Variants in LRRIQ1 observed in about 807,000 individuals in gnomAD.
The protein encoded by LRRIQ1 is leucine rich repeats and IQ motif containing 1, also known as leucine-rich repeat- and IQ domain-containing protein 1.
LRRIQ1 carries 210 observed loss-of-function variants against 211.9 expected under a neutral mutation model. The ratio of observed to expected loss-of-function variants is 0.99; its 90% CI spans 0.89 to 1.11. The LOEUF is 1.11. LRRIQ1 is among the 50% of genes most tolerant of loss of function. The pLI, the probability that LRRIQ1 is intolerant of heterozygous loss-of-function variation, is 0.00. For synonymous variants in LRRIQ1, 699 were observed against 650.1 expected (o/e 1.08, Z -1.14); for missense variants, 2,136 against 1,939.5 (o/e 1.10, Z -1.90).
At chr12:85,145,815 A>G (rs1337143874) in intron 19 of LRRIQ1, among the ~76,000 whole-genome samples, 1 of 151,884 alleles carries the variant, frequency 6.6e-6, no homozygotes, top group Admixed American at 6.6e-5. Flanking sequence ...CTGCCTTCCC[A>G]TTCTGTTAGT....
At chr12:85,037,048 G>T (rs1285384161) in intron 1 of LRRIQ1, among the ~76,000 whole-genome samples, 2 of 152,008 alleles carry the variant, frequency 1.3e-5, no homozygotes, top group Non-Finnish European at 2.9e-5. Context: ...AGATTTCTAA[G>T]AATTACTGTC....
At chr12:85,084,038 T>A (rs1208749764) in intron 11 of LRRIQ1, among the ~76,000 whole-genome samples, 1 of 152,214 alleles carries the variant, frequency 6.6e-6, no homozygotes, top group Non-Finnish European at 1.5e-5. Context: ...CTGAAACTAG[T>A]AAAACCAGTC....
chr12:85,126,967 C>T (rs1888411225), intron 17 of LRRIQ1, among the ~76,000 whole-genome samples: 1 of 151,936 alleles, frequency 6.6e-6, no homozygotes, highest in Non-Finnish European at 1.5e-5. Context: ...TTCAAGGGAG[C>T]ATTAGGAAAT....
At chr12:85,117,228 C>G (rs1173488049) in intron 15 of LRRIQ1, among the ~76,000 whole-genome samples, 2 of 152,154 alleles carry the variant, frequency 1.3e-5, no homozygotes, top group East Asian at 3.9e-4. Context: ...AGAGTGTTAT[C>G]TTGCTTTGAT....
At chr12:85,058,984 C>T (rs919698772) in intron 8 of LRRIQ1, among the ~76,000 whole-genome samples, 1 of 151,884 alleles carries the variant, frequency 6.6e-6, no homozygotes, top group Non-Finnish European at 1.5e-5. Context: ...GTGAATGTGC[C>T]ATATAGATGC....
At chr12:85,268,746 C>T (rs1053727463), downstream of LRRIQ1, among the ~76,000 whole-genome samples, 10 of 151,890 alleles carry the variant, frequency 6.6e-5, no homozygotes, top group African/African-American at 1.7e-4. Context: ...GAAGGATATC[C>T]ACCACTTTGT....
At chr12:85,161,816 A>G (rs1890896831) in intron 24 of LRRIQ1, among the ~76,000 whole-genome samples, 1 of 152,122 alleles carries the variant, frequency 6.6e-6, no homozygotes. Flanking sequence ...CGAGGCAGAC[A>G]GATCACGAGA....
At chr12:85,125,713 G>T (rs1391734097) in intron 17 of LRRIQ1, among the ~76,000 whole-genome samples, 1 of 152,110 alleles carries the variant, frequency 6.6e-6, no homozygotes, top group African/African-American at 2.4e-5. Context: ...TTTATCAAAA[G>T]TGGCTTTAAT....
intron 11 of LRRIQ1, among the ~76,000 whole-genome samples, chr12:85,090,128 G>A (rs1885230348): frequency 6.6e-6 from 1 of 152,172 alleles, no homozygotes; most frequent in Non-Finnish European, 1.5e-5. Context: ...CATAAGCCTT[G>A]GCATCTTCCA....
intron 1 of LRRIQ1, among the ~76,000 whole-genome samples, chr12:85,250,337 A>C (rs956713391): frequency 6.6e-6 from 1 of 151,866 alleles, no homozygotes; most frequent in African/African-American, 2.4e-5. Flanking sequence ...TAATTGCTCC[A>C]TATGTTAAGT....
chr12:85,263,069 G>C, exon 2 of LRRIQ1: 2 of 987,890 alleles, frequency 2.0e-6, no homozygotes, highest in Non-Finnish European at 2.4e-6. Context: ...AATCCTTAAG[G>C]CTTCAGCATT....
chr12:85,260,129 TAAAAAAAAAAAA>T (rs34282611), intron 1 of LRRIQ1, among the ~76,000 whole-genome samples: 1 of 115,598 alleles, frequency 8.7e-6, no homozygotes, highest in Non-Finnish European at 1.7e-5. Flanking sequence ...TCATGTTGGT[TAAAAAAAAAAAA>T]AAAAAAAAAG....
chr12:85,111,969 C>CAT (rs1887209451), intron 15 of LRRIQ1, among the ~76,000 whole-genome samples: 1 of 127,692 alleles, frequency 7.8e-6, no homozygotes, highest in Non-Finnish European at 1.9e-5. Flanking sequence ...CACACACACA[C>CAT]TCTCTCTCTC....
At chr12:85,127,809 G>C (rs756074250) in intron 17 of LRRIQ1, 23 bp from the exon 18 acceptor site, 2 of 1,542,122 alleles carry the variant, frequency 1.3e-6, no homozygotes, top group South Asian at 1.2e-5. Context: ...AAAAGTGTGT[G>C]TTTTTTTTTC....
chr12:85,218,095 A>G (rs1894240484), intron 24 of LRRIQ1, among the ~76,000 whole-genome samples: 1 of 152,090 alleles, frequency 6.6e-6, no homozygotes, highest in Non-Finnish European at 1.5e-5. Flanking sequence ...AAAATCAATT[A>G]AGACCATCTA....
chr12:85,252,891 A>G (rs1895989209), intron 1 of LRRIQ1, among the ~76,000 whole-genome samples: 1 of 151,974 alleles, frequency 6.6e-6, no homozygotes, highest in Non-Finnish European at 1.5e-5. Flanking sequence ...TTGTTGATAT[A>G]ATTTCAAATT....
chr12:85,107,717 A>G (rs568475894), intron 15 of LRRIQ1, among the ~76,000 whole-genome samples: 1 of 151,470 alleles, frequency 6.6e-6, no homozygotes, highest in African/African-American at 2.4e-5. Flanking sequence ...TTTACTTATT[A>G]TTATTTATTT....
intron 24 of LRRIQ1, among the ~76,000 whole-genome samples, chr12:85,199,738 A>G (rs562339637): frequency 2.8e-4 from 42 of 152,246 alleles, no homozygotes; most frequent in African/African-American, 1.0e-3. Context: ...AGATGCTTAT[A>G]AAACCATCAG....
intron 8 of LRRIQ1, among the ~76,000 whole-genome samples, chr12:85,060,542 T>TC (rs1229736900): frequency 6.6e-6 from 1 of 151,908 alleles, no homozygotes; most frequent in Non-Finnish European, 1.5e-5. Flanking sequence ...GATCAAGAAG[T>TC]CTCACTTCTC....
Sources: allele counts gnomAD v4.1 joint callset (sites outside exome capture counted in the v4.1 genomes callset), GRCh38; gene constraint gnomAD v4.1.1; transcripts MANE v1.5; gene names NCBI Gene and HGNC (gene_info 2026-07-23, HGNC 2026-07-21).